Variants in E2F3 observed in about 807,000 individuals in gnomAD.
E2F3 encodes E2F transcription factor 3.
E2F3 carries 11 observed loss-of-function variants against 44.4 expected under a neutral mutation model. The observed-to-expected ratio is 0.25, with a 90% confidence interval of 0.16 to 0.41. The LOEUF (loss-of-function observed/expected upper bound fraction) is 0.41, where lower values mean the gene tolerates loss of function less well. Ranked by LOEUF, E2F3 falls within the 10% of genes least tolerant of loss-of-function variation. The pLI is 1.00. For synonymous variants in E2F3, 249 were observed against 253.0 expected, an observed-to-expected ratio of 0.98 and a Z score of 0.15; for missense variants, 487 against 583.6, an observed-to-expected ratio of 0.83 and a Z score of 1.70.
At chr6:20,464,066 G>A (rs188982173) in intron 1 of E2F3, among the ~76,000 whole-genome samples, 43 of 152,334 alleles carry the variant, frequency 2.8e-4, no homozygotes, top group Non-Finnish European at 5.1e-4. Flanking sequence ...GGGCAGGAGT[G>A]TGGAGCTTCC....
chr6:20,412,536 A>G (rs1759709236), intron 1 of E2F3, among the ~76,000 whole-genome samples: 1 of 151,306 alleles, frequency 6.6e-6, no homozygotes, highest in Non-Finnish European at 1.5e-5. Flanking sequence ...GGGAGATAAC[A>G]GGACCGAAGG....
At position 20,493,711 on chromosome 6, in the gene E2F3, A is replaced by C. The variant is rs1017859586; in HGVS notation, c.*3281A>C. The stretch of plus-strand genomic sequence containing the variant: ...GATCAATAAAATGATTTTTTTTAAG[A>C]GTTCAGGCTTGTGGATGGGTTTTCT... On this transcript the variant is annotated 3_prime_UTR_variant, in exon 7 of 7. Coordinates refer to ENST00000346618, the MANE Select transcript of E2F3 (RefSeq NM_001949.5). The C allele has an allele frequency of 5.3e-5, 10 of 188,026 alleles. No homozygotes were observed. Among genetic ancestry groups the C allele is most frequent in the African/African-American group, 2.1e-4 (9 of 42,798 alleles). 11.6% of individuals were successfully genotyped at this position (188,026 alleles called of 1,614,324 possible). A position where few individuals can be genotyped will look rare whatever the true frequency, so the allele number is the denominator to read the frequency against.
At chr6:20,427,065 T>G (rs766896801) in intron 1 of E2F3, among the ~76,000 whole-genome samples, 1 of 152,210 alleles carries the variant, frequency 6.6e-6, no homozygotes, top group Non-Finnish European at 1.5e-5. Context: ...TAAAAGTGAC[T>G]GAGAATGAAA....
At chr6:20,427,252 T>C (rs1043691939) in intron 1 of E2F3, among the ~76,000 whole-genome samples, 12 of 152,234 alleles carry the variant, frequency 7.9e-5, no homozygotes, top group Non-Finnish European at 1.2e-4. Flanking sequence ...CTACAGCGCC[T>C]TCTTACCCTA....
At chr6:20,471,727 T>C (rs1160200343) in intron 1 of E2F3, among the ~76,000 whole-genome samples, 1 of 152,206 alleles carries the variant, frequency 6.6e-6, no homozygotes, top group Non-Finnish European at 1.5e-5. Context: ...GTTAGTATGG[T>C]AATAATGTAT....
At chr6:20,450,706 T>C (rs1006469008) in intron 1 of E2F3, among the ~76,000 whole-genome samples, 1 of 152,246 alleles carries the variant, frequency 6.6e-6, no homozygotes, top group South Asian at 2.1e-4. Context: ...TGCCCGTTCC[T>C]GTTTTCAGAA....
rs527511531 is a variant in E2F3, at chr6:20,491,382, G to T, written c.*952G>T. 8.8e-6 allele frequency: 2 copies of T among 227,306 alleles called. No homozygotes were observed. The highest frequency in any genetic ancestry group is 1.8e-5 in the Non-Finnish European group (2 of 114,032). 14.1% of individuals were successfully genotyped at this position (227,306 alleles called of 1,614,324 possible). A position where few individuals can be genotyped will look rare whatever the true frequency, so the allele number is the denominator to read the frequency against. ...TCTACTGATCAGAGCATCTAAACCT[G>T]TGTGATCTAAGGTTTATCAGCCTCT... On this transcript the variant is annotated 3_prime_UTR_variant, in exon 7 of 7. Transcript: ENST00000346618.
intron 1 of E2F3, among the ~76,000 whole-genome samples, chr6:20,422,544 G>C (rs144079619): frequency 7.9e-4 from 120 of 152,274 alleles, no homozygotes; most frequent in African/African-American, 2.8e-3. Flanking sequence ...TTCAGGTTTT[G>C]ACGTACATTT....
intron 1 of E2F3, among the ~76,000 whole-genome samples, chr6:20,415,014 G>T (rs931450666): frequency 6.6e-6 from 1 of 151,996 alleles, no homozygotes; most frequent in Non-Finnish European, 1.5e-5. Context: ...TTCCTTAGTT[G>T]CCTCCCCCCG....
At chr6:20,459,617 G>A (rs1761432685) in intron 1 of E2F3, among the ~76,000 whole-genome samples, 1 of 152,070 alleles carries the variant, frequency 6.6e-6, no homozygotes, top group Non-Finnish European at 1.5e-5. Context: ...AATCGATATG[G>A]AAGTACACAG....
At chr6:20,468,770 A>G (rs949035830) in intron 1 of E2F3, among the ~76,000 whole-genome samples, 1 of 152,194 alleles carries the variant, frequency 6.6e-6, no homozygotes, top group Non-Finnish European at 1.5e-5. Context: ...ACACAAAAAG[A>G]TACTTCATCT....
At position 20,460,678 on chromosome 6, in the gene E2F3, A is replaced by G. The variant is rs118080363; in HGVS notation, c.394-19168A>G. 6.6e-3 allele frequency among the ~76,000 whole-genome samples: 1,006 copies of G among 152,206 alleles called. 31 individuals are homozygous for G. The highest frequency in any genetic ancestry group is 0.054 in the Admixed American group (830 of 15,276). On this transcript the variant is annotated intron_variant, in intron 1 of 6. Transcript: ENST00000346618. ...TCTCTAAGATAAATTGATTCCCAGA[A>G]GTACACTTGTAGAGTCAAAAAGTCA... is the stretch of plus-strand genomic sequence containing the variant.
chr6:20,470,327 T>G (rs1456815264), intron 1 of E2F3, among the ~76,000 whole-genome samples: 1 of 152,372 alleles, frequency 6.6e-6, no homozygotes, highest in African/African-American at 2.4e-5. Flanking sequence ...GACCACCATG[T>G]TGCCTTTATA....
intron 1 of E2F3, chr6:20,444,960 G>T (rs1281112986): frequency 2.1e-6 from 1 of 475,548 alleles, no homozygotes; most frequent in Non-Finnish European, 2.7e-6. Flanking sequence ...TTTATCTCTA[G>T]GCCTTGCACT....
intron 1 of E2F3, among the ~76,000 whole-genome samples, chr6:20,472,132 T>A (rs1024217555): frequency 7.1e-6 from 1 of 140,198 alleles, no homozygotes; most frequent in Admixed American, 7.5e-5. Context: ...GCCAAGGGAC[T>A]TTGGGAATTT....
At chr6:20,427,437 A>T (rs1230982418) in intron 1 of E2F3, among the ~76,000 whole-genome samples, 1 of 152,140 alleles carries the variant, frequency 6.6e-6, no homozygotes, top group African/African-American at 2.4e-5. Context: ...CAGGGGTTAC[A>T]TTGGGGTTTG....
At chr6:20,479,726 G>A in intron 1 of E2F3, 120 bp from the exon 2 acceptor site, 1 of 754,366 alleles carries the variant, frequency 1.3e-6, no homozygotes, top group Non-Finnish European at 2.2e-6. Flanking sequence ...GAGTGGGGTG[G>A]AGCAGAGGGG....
chr6:20,481,166 C>T (rs370434089), intron 2 of E2F3, 40 bp from the exon 3 acceptor site: 7 of 1,592,044 alleles, frequency 4.4e-6, no homozygotes, highest in Non-Finnish European at 6.0e-6. Context: ...TTTACCTTTC[C>T]CCCTATCCCC....
chr6:20,457,120 A>T (rs1761330885), intron 1 of E2F3, among the ~76,000 whole-genome samples: 1 of 151,648 alleles, frequency 6.6e-6, no homozygotes, highest in Non-Finnish European at 1.5e-5. Context: ...TAGCCTAGGG[A>T]AAAAATGTTC....
Sources: allele counts gnomAD v4.1 joint callset (sites outside exome capture counted in the v4.1 genomes callset), GRCh38; gene constraint gnomAD v4.1.1; transcripts MANE v1.5; gene names NCBI Gene and HGNC (gene_info 2026-07-23, HGNC 2026-07-21).